The following PDCL variants were observed in gnomAD, a reference collection of about 807,000 sequenced individuals.
The protein encoded by PDCL is phosducin like.
In PDCL, 11 loss-of-function variants were observed where a neutral mutation model predicts 26.7. That is an observed-to-expected ratio of 0.41 (90% CI 0.26 to 0.68). PDCL has a LOEUF of 0.68. Among genes scored for constraint, PDCL ranks in the 30% least tolerant of loss-of-function variants. The pLI, the probability that PDCL is intolerant of heterozygous loss-of-function variation, is 0.30. For synonymous variants in PDCL, 118 were observed against 134.9 expected (o/e 0.87, Z 0.87); for missense variants, 330 against 371.6 (o/e 0.89, Z 0.92).
Position 122,819,621 on chromosome 9 carries a change from T to C in PDCL, c.*464A>G, listed in dbSNP as rs1038242552. ...AAGACCCTGGTGGGGAAAAAAAAAA[T>C]CTAACCACCGTCTAAAGCTATGGAA... On this transcript the variant is annotated 3_prime_UTR_variant, in exon 4 of 4. Transcript: ENST00000259467. 8 of 152,236 alleles carry C rather than the reference T, an allele frequency of 5.3e-5. No individual in the cohort carries two copies. The highest frequency in any genetic ancestry group is 1.9e-4 in the African/African-American group (8 of 41,350). The allele number at this position is 152,236 out of a possible 1,614,324, so 9.4% of individuals were successfully genotyped here.
intron 2 of PDCL, among the ~76,000 whole-genome samples, chr9:122,825,469 C>T (rs531502171): frequency 6.6e-6 from 1 of 152,216 alleles, no homozygotes; most frequent in Non-Finnish European, 1.5e-5. Flanking sequence ...GCCAGGAGAA[C>T]CTTTTTATAC....
At chr9:122,822,624 C>A (rs781013918) in intron 3 of PDCL, among the ~76,000 whole-genome samples, 10 of 152,132 alleles carry the variant, frequency 6.6e-5, no homozygotes, top group Non-Finnish European at 1.2e-4. Context: ...CTTCCATTAT[C>A]TGTAAGAAGG....
chr9:122,820,049 C>G lies in PDCL; in HGVS notation c.*36G>C. 1 of 1,521,964 alleles carries G rather than the reference C, an allele frequency of 6.6e-7. No individual in the cohort carries two copies. The highest frequency in any genetic ancestry group is 8.8e-7 in the Non-Finnish European group (1 of 1,130,436). The allele number at this position is 1,521,964 out of a possible 1,614,324, so 94.3% of individuals were successfully genotyped here. On this transcript the variant is annotated 3_prime_UTR_variant, in exon 4 of 4. Coordinates refer to ENST00000259467, the MANE Select transcript of PDCL (RefSeq NM_005388.5). Reference sequence around the variant, plus strand: ...ATAAACAATGACGTGTATTCCAACCCAAACAATGAGAAATCTATGCAACTA... The same window carrying G: ...ATAAACAATGACGTGTATTCCAACCGAAACAATGAGAAATCTATGCAACTA...
At chr9:122,826,568 A>C (rs1342933709) in intron 2 of PDCL, 48 bp downstream of exon 2, 1 of 1,483,832 alleles carries the variant, frequency 6.7e-7, no homozygotes, top group Non-Finnish European at 9.2e-7. Context: ...ATATGTATTT[A>C]ATGTACATTT....
At position 122,818,936 on chromosome 9, in the gene PDCL, CTTT is replaced by C. The variant is rs1379273835; in HGVS notation, c.*1146_*1148del. 1 of 151,854 alleles carries C rather than the reference CTTT, an allele frequency of 6.6e-6. No homozygotes were observed. The highest frequency in any genetic ancestry group is 2.4e-5 in the African/African-American group (1 of 41,352). 9.4% of individuals were successfully genotyped at this position (151,854 alleles called of 1,614,324 possible). A position where few individuals can be genotyped will look rare whatever the true frequency, so the allele number is the denominator to read the frequency against. On this transcript the variant is annotated 3_prime_UTR_variant, in exon 4 of 4. Transcript: ENST00000259467. ...TTTAAAAAAAGTATTTGCTATCTTT[CTTT>C]TTAAGAGACAACCATCAAGCAAATT...
chr9:122,822,868 G>A (rs1829570191), intron 3 of PDCL, 148 bp downstream of exon 3: 4 of 678,460 alleles, frequency 5.9e-6, no homozygotes, highest in East Asian at 2.5e-5. Flanking sequence ...AAAGCTGGGT[G>A]GGTTTGAGTT....
chr9:122,828,239 G>A (rs1264327143), intron 1 of PDCL, among the ~76,000 whole-genome samples: 1 of 152,160 alleles, frequency 6.6e-6, no homozygotes, highest in Non-Finnish European at 1.5e-5. Context: ...GACGCGAGCA[G>A]AGGAGGCGGG....
intron 2 of PDCL, among the ~76,000 whole-genome samples, chr9:122,826,309 C>T (rs542705983): frequency 6.6e-6 from 1 of 152,010 alleles, no homozygotes; most frequent in Non-Finnish European, 1.5e-5. Context: ...TGTAAATATG[C>T]CATTTTTAGG....
chr9:122,826,844 T>C (rs1829635386), intron 1 of PDCL, 52 bp from the exon 2 acceptor site: 1 of 1,571,744 alleles, frequency 6.4e-7, no homozygotes. Context: ...CAGACAGACA[T>C]GAATCTGAAG....
intron 3 of PDCL, among the ~76,000 whole-genome samples, chr9:122,821,753 T>A (rs907838722): frequency 4.6e-5 from 7 of 151,996 alleles, no homozygotes; most frequent in African/African-American, 1.7e-4. Flanking sequence ...CACCTCAGTA[T>A]CAGGAAGCAG....
chr9:122,824,006 G>C (rs1240793298), intron 2 of PDCL, among the ~76,000 whole-genome samples: 2 of 152,146 alleles, frequency 1.3e-5, no homozygotes. Flanking sequence ...CTGACCTCAG[G>C]TGATCCGCCC....
rs1262343258 is a variant in PDCL, at chr9:122,818,652, G to C, written c.*1433C>G. 1.3e-5 allele frequency: 2 copies of C among 151,180 alleles called. No homozygotes were observed. Among genetic ancestry groups the C allele is most frequent in the Admixed American group, 6.6e-5 (1 of 15,176 alleles). 9.4% of individuals were successfully genotyped at this position (151,180 alleles called of 1,614,324 possible). A position where few individuals can be genotyped will look rare whatever the true frequency, so the allele number is the denominator to read the frequency against. On this transcript the variant is annotated 3_prime_UTR_variant, in exon 4 of 4. Coordinates refer to ENST00000259467, the MANE Select transcript of PDCL (RefSeq NM_005388.5). ...CAGTTAGTCAATTCCTGAAAAGCCA[G>C]GAAAATCAAAATTGTGAATTTTAAG... is the stretch of plus-strand genomic sequence containing the variant.
chr9:122,822,867 T>C, intron 3 of PDCL, 149 bp downstream of exon 3: 1 of 673,416 alleles, frequency 1.5e-6, no homozygotes. Flanking sequence ...CAAAGCTGGG[T>C]GGGTTTGAGT....
At chr9:122,825,766 G>A (rs1392145172) in intron 2 of PDCL, among the ~76,000 whole-genome samples, 1 of 152,098 alleles carries the variant, frequency 6.6e-6, no homozygotes, top group Non-Finnish European at 1.5e-5. Context: ...AAGAAGTTTA[G>A]GTTCCCTCTT....
Position 122,826,733 on chromosome 9 carries a change from T to C in PDCL, c.55A>G (p.Ser19Gly), listed in dbSNP as rs912475594. ...LGEKLQYYYSSSEDEDSDHED... is the reference protein window; with the variant it reads ...LGEKLQYYYSGSEDEDSDHED... Reference sequence around the variant, plus strand: ...TGGTCACTGTCCTCATCCTCACTGCTGCTATAGTAGTACTGCAGTTTCTCC... The same window carrying C: ...TGGTCACTGTCCTCATCCTCACTGCCGCTATAGTAGTACTGCAGTTTCTCC... Residue 19 changes from serine to glycine, a missense_variant, in exon 2 of 4, where the codon AGC (serine) becomes GGC (glycine). Ser to Gly is a moderately conservative substitution (Grantham distance 56). Coordinates refer to ENST00000259467, the MANE Select transcript of PDCL (RefSeq NM_005388.5). 1 of 1,614,042 alleles carries C rather than the reference T, an allele frequency of 6.2e-7. No homozygotes were observed. Among genetic ancestry groups the C allele is most frequent in the African/African-American group, 1.3e-5 (1 of 74,920 alleles).
At position 122,826,728 on chromosome 9, in the gene PDCL, A is replaced by G. The variant is rs1829633634; in HGVS notation, c.60T>C (p.Ser20=). The G allele has an allele frequency of 6.2e-7, 1 of 1,613,858 alleles. No homozygotes were observed. The change falls in exon 2 of 4, where the codon AGT becomes AGC. Residue 20 remains serine, a synonymous_variant. Coordinates refer to ENST00000259467, the MANE Select transcript of PDCL (RefSeq NM_005388.5). ...GEKLQYYYSS[S]EDEDSDHEDK... is the part of the protein sequence containing the mutation. ...CCTCGTGGTCACTGTCCTCATCCTC[A>G]CTGCTGCTATAGTAGTACTGCAGTT... is the stretch of plus-strand genomic sequence containing the variant.
chr9:122,820,822 TAA>T (rs5900544), intron 3 of PDCL, 186 bp from the exon 4 acceptor site: 20,236 of 298,834 alleles, frequency 0.068, 12 homozygotes, highest in East Asian at 0.11. Flanking sequence ...CATCTCTCCT[TAA>T]AAAAAAAAAA....
In PDCL at chr9:122,820,056, T is replaced by G; in HGVS notation, c.*29A>C. 2.8e-4 allele frequency: 421 copies of G among 1,525,482 alleles called. No individual in the cohort carries two copies. Among genetic ancestry groups the G allele is most frequent in the Non-Finnish European group, 3.5e-4 (391 of 1,132,054 alleles). The allele number at this position is 1,525,482 out of a possible 1,614,324, so 94.5% of individuals were successfully genotyped here. A position where few individuals can be genotyped will look rare whatever the true frequency, so the allele number is the denominator to read the frequency against. On this transcript the variant is annotated 3_prime_UTR_variant, in exon 4 of 4. Transcript: ENST00000259467. Reference sequence around the variant, plus strand: ...ATGACGTGTATTCCAACCCAAACAATGAGAAATCTATGCAACTAGACTATC... The same window carrying G: ...ATGACGTGTATTCCAACCCAAACAAGGAGAAATCTATGCAACTAGACTATC...
At chr9:122,826,294 A>G (rs1422364503) in intron 2 of PDCL, among the ~76,000 whole-genome samples, 1 of 152,252 alleles carries the variant, frequency 6.6e-6, no homozygotes, top group Non-Finnish European at 1.5e-5. Context: ...ATTAAAATGT[A>G]CAAGTGTAAA....
Sources: gnomAD v4.1 joint callset for allele counts (sites outside exome capture counted in the v4.1 genomes callset) on GRCh38, gnomAD v4.1.1 for gene constraint, MANE v1.5 for transcripts, NCBI Gene and HGNC (gene_info 2026-07-23, HGNC 2026-07-21) for gene names.